RAI1: variants seen among roughly 807,000 people sequenced by gnomAD.
RAI1 encodes retinoic acid induced 1.
RAI1 carries 9 observed loss-of-function variants against 123.8 expected under a neutral mutation model. That is an observed-to-expected ratio of 0.07 (90% confidence interval 0.04 to 0.13). The LOEUF (loss-of-function observed/expected upper bound fraction) is 0.13. RAI1 is among the 10% of genes least tolerant of loss of function. The probability of loss-of-function intolerance (pLI) is 1.00; values close to 1 mark genes in which losing one functional copy is unlikely to be tolerated. For missense variants in RAI1, 2,256 were observed against 2,545.8 expected, an observed-to-expected ratio of 0.89 and a Z score of 2.45; for synonymous variants, 1,231 against 1,127.3, an observed-to-expected ratio of 1.09 and a Z score of -1.84.
At chr17:17,755,639 G>A (rs1374743333) in intron 2 of RAI1, among the ~76,000 whole-genome samples, 1 of 152,172 alleles carries the variant, frequency 6.6e-6, no homozygotes, top group East Asian at 1.9e-4. Context: ...CTAGCCAGCA[G>A]GGGTGCGTCC....
rs148698066 is a variant in RAI1, at chr17:17,797,491, C to T, written c.4543C>T (p.Pro1515Ser). 3.1e-6 allele frequency: 5 copies of T among 1,613,238 alleles called. No individual in the cohort carries two copies. Among genetic ancestry groups the T allele is most frequent in the Non-Finnish European group, 4.2e-6 (5 of 1,179,726 alleles). The change falls in exon 3 of 6, where the codon CCC becomes TCC. Residue 1515 changes from proline (P) to serine (S), a missense_variant. Pro to Ser is a moderately conservative substitution (Grantham distance 74). Coordinates refer to ENST00000353383, the MANE Select transcript of RAI1 (RefSeq NM_030665.4). ...GLASQPPEGR[P>S]CQPQTRAQKQ... ...GGCCTCCCAGCCCCCGGAGGGCAGG[C>T]CCTGCCAGCCCCAGACAAGGGCACA... is the stretch of plus-strand genomic sequence containing the variant.
At chr17:17,733,914 G>T (rs962702491) in intron 2 of RAI1, among the ~76,000 whole-genome samples, 10 of 152,152 alleles carry the variant, frequency 6.6e-5, no homozygotes, top group Non-Finnish European at 1.5e-4. Flanking sequence ...GAGACCCGGG[G>T]CCCCCTCACC....
At chr17:17,713,708 G>T (rs561296109) in intron 1 of RAI1, among the ~76,000 whole-genome samples, 2 of 152,304 alleles carry the variant, frequency 1.3e-5, no homozygotes, top group Non-Finnish European at 2.9e-5. Flanking sequence ...TTGTCATAGG[G>T]TGAAGGGGAT....
At chr17:17,716,594 G>A (rs929517110) in intron 1 of RAI1, among the ~76,000 whole-genome samples, 9 of 152,226 alleles carry the variant, frequency 5.9e-5, no homozygotes, top group African/African-American at 2.2e-4. Context: ...TTTCATGTGT[G>A]TGGTGCCTGT....
chr17:17,691,243 G>C (rs1914828610), intron 1 of RAI1, among the ~76,000 whole-genome samples: 1 of 152,104 alleles, frequency 6.6e-6, no homozygotes, highest in Non-Finnish European at 1.5e-5. Context: ...GCATCTAGTG[G>C]GTAAAGGCCA....
At chr17:17,805,401 T>G (rs2143005528) in intron 4 of RAI1, among the ~76,000 whole-genome samples, 1 of 152,238 alleles carries the variant, frequency 6.6e-6, no homozygotes, top group South Asian at 2.1e-4. Flanking sequence ...CTGTGACCTC[T>G]CCCCGTCACC....
intron 2 of RAI1, among the ~76,000 whole-genome samples, chr17:17,773,073 G>GTGGA (rs1172543704): frequency 3.1e-3 from 288 of 92,556 alleles, no homozygotes; most frequent in African/African-American, 0.011. Flanking sequence ...GGGTGGGTGG[G>GTGGA]TGGATGGATG....
At chr17:17,686,074 A>G (rs564903855) in intron 1 of RAI1, among the ~76,000 whole-genome samples, 9 of 152,276 alleles carry the variant, frequency 5.9e-5, no homozygotes, top group African/African-American at 2.2e-4. Flanking sequence ...TGTCCTCCCC[A>G]TGAGGCTGAA....
chr17:17,796,832 C>T lies in RAI1; in HGVS notation c.3884C>T (p.Pro1295Leu), dbSNP rs376809177. ...GAGCCTGCCACAAAGCTCCCACCCC[C>T]GGAGACCCCCGATGCCTGCCTCAAG... ...NGEPATKLPPPETPDACLKLA... is the reference protein window; with the variant it reads ...NGEPATKLPPLETPDACLKLA... Residue 1295 changes from proline (P) to leucine (L), a missense_variant, in exon 3 of 6, where the codon CCG becomes CTG. By Grantham distance (98) the Pro-to-Leu change is moderately conservative. Transcript: ENST00000353383. This position sits in a 1 kb window ranked among gnomAD's most constrained non-coding sequence, Gnocchi z 5.8. 3.5e-5 allele frequency: 56 copies of T among 1,611,312 alleles called. No homozygotes were observed. The highest frequency in any genetic ancestry group is 6.7e-5 in the African/African-American group (5 of 74,892).
chr17:17,686,620 C>T (rs1018158563), intron 1 of RAI1, among the ~76,000 whole-genome samples: 20 of 142,390 alleles, frequency 1.4e-4, no homozygotes, highest in Admixed American at 3.5e-4. Flanking sequence ...CACGCGCGCG[C>T]CGGGGAGGGG....
intron 2 of RAI1, among the ~76,000 whole-genome samples, chr17:17,763,466 G>A (rs1420798247): frequency 6.6e-6 from 1 of 152,238 alleles, no homozygotes; most frequent in Admixed American, 6.5e-5. Flanking sequence ...AGCAGCAAGA[G>A]GGGTGAGCTG....
chr17:17,765,630 C>T (rs376212120), intron 2 of RAI1, among the ~76,000 whole-genome samples: 1 of 152,248 alleles, frequency 6.6e-6, no homozygotes, highest in African/African-American at 2.4e-5. Context: ...ACCAGGTACA[C>T]GTGTGAGGAA....
At chr17:17,764,078 C>G (rs2030817151) in intron 2 of RAI1, among the ~76,000 whole-genome samples, 1 of 152,226 alleles carries the variant, frequency 6.6e-6, no homozygotes, top group African/African-American at 2.4e-5. Context: ...GGGCTAGTGA[C>G]ACGCTTGCTG....
At chr17:17,770,402 A>T (rs1463536912) in intron 2 of RAI1, among the ~76,000 whole-genome samples, 1 of 152,158 alleles carries the variant, frequency 6.6e-6, no homozygotes, top group African/African-American at 2.4e-5. Context: ...AGCCTGGGTA[A>T]GAGATGCTGG....
At chr17:17,770,793 T>C (rs1234016475) in intron 2 of RAI1, 2 of 152,300 alleles carry the variant, frequency 1.3e-5, no homozygotes, top group African/African-American at 4.8e-5. Context: ...CAAGCACTAA[T>C]GGGCTTAAAT....
rs367702730 is a variant in RAI1 at position 17,788,693 on chromosome 17, G to C, written c.-16-4240G>C. On this transcript the variant is annotated intron_variant, in intron 2 of 5. Transcript: ENST00000353383. ...GGATGGAACCAGTGGCCTCAGAGCT[G>C]CTGCTGGGGATCAGGAAGCCCCCAG... Among the ~76,000 whole-genome samples the C allele has an allele frequency of 1.2e-3, 189 of 152,290 alleles. 6 individuals are homozygous for C. In the South Asian group the frequency reaches 0.038, roughly 31 times the overall value.
At chr17:17,753,726 C>T (rs2030311961) in intron 2 of RAI1, among the ~76,000 whole-genome samples, 1 of 152,144 alleles carries the variant, frequency 6.6e-6, no homozygotes, top group Admixed American at 6.6e-5. Flanking sequence ...GGTTTTGATA[C>T]TCAGTCTTAA....
chr17:17,787,449 T>G (rs2031864651), intron 2 of RAI1, among the ~76,000 whole-genome samples: 1 of 152,098 alleles, frequency 6.6e-6, no homozygotes, highest in African/African-American at 2.4e-5. Context: ...CAGTGGTGAA[T>G]AAAGTGATCT....
At chr17:17,723,649 T>G in intron 1 of RAI1, among the ~76,000 whole-genome samples, 1 of 140,266 alleles carries the variant, frequency 7.1e-6, no homozygotes, top group East Asian at 2.3e-4. Context: ...CCCGCTCCCT[T>G]CCCGAGCTCA....
Sources: allele counts gnomAD v4.1 joint callset (sites outside exome capture counted in the v4.1 genomes callset), GRCh38; gene constraint gnomAD v4.1.1; non-coding constraint Gnocchi (gnomAD v3.1); transcripts MANE v1.5; gene names NCBI Gene and HGNC (gene_info 2026-07-23, HGNC 2026-07-21).